Variants in BRPF1 observed in about 807,000 individuals in gnomAD.
The protein encoded by BRPF1 is peregrin.
BRPF1 carries 15 observed loss-of-function variants against 115.0 expected under a neutral mutation model. That is an observed-to-expected ratio of 0.13 (90% CI 0.09 to 0.20). The LOEUF is 0.20. BRPF1 is among the 10% of genes least tolerant of loss of function. BRPF1 has a pLI of 1.00. For synonymous variants in BRPF1, 647 were observed against 619.8 expected, an observed-to-expected ratio of 1.04 and a Z score of -0.65; for missense variants, 1,118 against 1,638.3, an observed-to-expected ratio of 0.68 and a Z score of 5.48.
chr3:9,745,257 G>A lies in BRPF1; in HGVS notation c.3068+102G>A, dbSNP rs2077103656. ...TGGAAGTGGGGTGGCAGCCATCTCA[G>A]TCTAGATTAAGATGGCTCAAACTCA... On this transcript the variant is annotated intron_variant, in intron 10 of 13. Transcript: ENST00000383829. The surrounding 1 kb of genome is among the most constrained non-coding windows in gnomAD (Gnocchi z 5.1). 18 of 1,388,644 alleles carry A rather than the reference G, an allele frequency of 1.3e-5. No individual in the cohort carries two copies. The South Asian group carries it at 1.7e-4, about 13-fold the overall frequency. 86.0% of individuals were successfully genotyped at this position (1,388,644 alleles called of 1,614,324 possible).
chr3:9,741,037 A>G, intron 4 of BRPF1, 96 bp downstream of exon 4: 1 of 1,341,048 alleles, frequency 7.5e-7, no homozygotes, highest in Non-Finnish European at 1.0e-6. Context: ...GAGGGCTTAG[A>G]CTCTTTCCTC....
At chr3:9,735,040 T>TTTTTTA (rs1291955088) in intron 2 of BRPF1, among the ~76,000 whole-genome samples, 1 of 148,208 alleles carries the variant, frequency 6.7e-6, no homozygotes, top group African/African-American at 2.5e-5. Context: ...TTTTTTTTTT[T>TTTTTTA]GAGACAGGGC....
rs1443287888 is a variant in BRPF1, at chr3:9,739,807, G to A, written c.1408G>A (p.Glu470Lys). ...CAGCGAGGGTGAGGAGGATGAAGAT[G>A]AGGAGGAGGATGAGGGTAAGGGCTG... ...SHSEGEEDED[E>K]EEDEGKGWSS... Residue 470 changes from glutamate to lysine, a missense_variant, in exon 3 of 14, where the codon GAG becomes AAG. By Grantham distance (56) the Glu-to-Lys change is moderately conservative. Around this residue, in one of 10 missense-constraint regions of BRPF1, gnomAD observed 87 missense variants for 93.4 expected, o/e 0.93. Transcript: ENST00000383829. 1 of 1,610,862 alleles carries A rather than the reference G, an allele frequency of 6.2e-7. No homozygotes were observed. The highest frequency in any genetic ancestry group is 8.5e-7 in the Non-Finnish European group (1 of 1,178,430).
In BRPF1 at chr3:9,745,749, A is replaced by G. The variant is rs757058016; in HGVS notation, c.3205+40A>G. ...CCAAGGCCAGGGATGCTGGGGACCC[A>G]GTGTCAGGGTCTCGCCAGCCCCCCA... On this transcript the variant is annotated intron_variant, in intron 11 of 13. Coordinates refer to ENST00000383829, the MANE Select transcript of BRPF1 (RefSeq NM_001003694.2). This position sits in a 1 kb window ranked among gnomAD's most constrained non-coding sequence, Gnocchi z 5.1. The G allele has an allele frequency of 1.7e-5, 27 of 1,611,240 alleles. No individual in the cohort carries two copies. Among genetic ancestry groups the G allele is most frequent in the Non-Finnish European group, 2.2e-5 (26 of 1,177,674 alleles).
Position 9,743,896 on chromosome 3 carries a change from G to A in BRPF1, c.2630G>A (p.Ser877Asn). 1.9e-6 allele frequency: 3 copies of A among 1,566,800 alleles called. No individual in the cohort carries two copies. Among genetic ancestry groups the A allele is most frequent in the African/African-American group, 1.3e-5 (1 of 74,170 alleles). Residue 877 changes from serine to asparagine, a missense_variant, in exon 8 of 14, where the codon AGC (serine) becomes AAC (asparagine). Physicochemically the swap from Ser to Asn is conservative, Grantham distance 46. This residue lies in a region of BRPF1 where 223 missense variants were observed against 240.7 expected (regional missense o/e 0.93). Transcript: ENST00000383829. The surrounding 1 kb of genome is among the most constrained non-coding windows in gnomAD (Gnocchi z 6.1). ...AAEESSSQETSKGLGPNMSST... is the reference protein window; with the variant it reads ...AAEESSSQETNKGLGPNMSST... Reference sequence around the variant, plus strand: ...GAGGAGAGCAGCAGCCAGGAGACAAGCAAAGGTCTGAATCCCATGGCAAGG... The same window carrying A: ...GAGGAGAGCAGCAGCCAGGAGACAAACAAAGGTCTGAATCCCATGGCAAGG...
intron 2 of BRPF1, among the ~76,000 whole-genome samples, chr3:9,736,449 G>A (rs919477805): frequency 5.9e-5 from 9 of 151,928 alleles, no homozygotes; most frequent in African/African-American, 2.2e-4. Flanking sequence ...CTTCCTTCTG[G>A]CTTTCCACAG....
At position 9,739,340 on chromosome 3, in the gene BRPF1, A is replaced by G; in HGVS notation, c.941A>G (p.Gln314Arg). Reference protein sequence around the residue: ...CYGVPYIPEGQWLCRRCLQSP... With the variant: ...CYGVPYIPEGRWLCRRCLQSP... ...GGTGTCCCCTATATCCCTGAGGGCC[A>G]GTGGCTGTGCCGCCGTTGCCTGCAG... The change falls in exon 3 of 14, where the codon CAG becomes CGG. Residue 314 changes from glutamine to arginine, a missense_variant. By Grantham distance (43) the Gln-to-Arg change is conservative. Transcript: ENST00000383829. 6.2e-7 allele frequency: 1 copy of G among 1,614,168 alleles called. No homozygotes were observed. The highest frequency in any genetic ancestry group is 8.5e-7 in the Non-Finnish European group (1 of 1,180,024).
Position 9,743,846 on chromosome 3 carries a change from G to A in BRPF1, c.2580G>A (p.Lys860=), listed in dbSNP as rs750222861. ...CACCCCACCCGGCAGCCTGTGACAA[G>A]GATGGGCAGACAGATAGTGCGGCAG... ...SLTPHPAACD[K]DGQTDSAAEE... The change falls in exon 8 of 14, where the codon AAG becomes AAA. Residue 860 remains lysine, a synonymous_variant. Transcript: ENST00000383829. The surrounding 1 kb of genome is among the most constrained non-coding windows in gnomAD (Gnocchi z 6.1). The A allele has an allele frequency of 6.2e-7, 1 of 1,606,050 alleles. No homozygotes were observed. Among genetic ancestry groups the A allele is most frequent in the South Asian group, 1.1e-5 (1 of 90,604 alleles).
intron 6 of BRPF1, 66 bp from the exon 7 acceptor site, chr3:9,742,878 A>C: frequency 6.5e-7 from 1 of 1,528,770 alleles, no homozygotes; most frequent in Non-Finnish European, 8.9e-7. Flanking sequence ...GGGGCTTGTT[A>C]GGAGCAGGGT....
rs772607085 is a variant in BRPF1, at chr3:9,744,317, C to T, written c.2729C>T (p.Pro910Leu). The change falls in exon 9 of 14, where the codon CCG becomes CTG. Residue 910 changes from proline (P) to leucine (L), a missense_variant. By Grantham distance (98) the Pro-to-Leu change is moderately conservative. Coordinates refer to ENST00000383829, the MANE Select transcript of BRPF1 (RefSeq NM_001003694.2). ...FSKKNPKTAG[P>L]PKRPGRPPKN... Reference sequence around the variant, plus strand: ...AAAAAGAACCCGAAGACAGCTGGACCGCCCAAGAGGCCGGGCCGGCCCCCC... The same window carrying T: ...AAAAAGAACCCGAAGACAGCTGGACTGCCCAAGAGGCCGGGCCGGCCCCCC... 2.5e-6 allele frequency: 4 copies of T among 1,613,386 alleles called. No homozygotes were observed. The highest frequency in any genetic ancestry group is 1.3e-5 in the African/African-American group (1 of 75,038).
At position 9,743,415 on chromosome 3, in the gene BRPF1, T is replaced by G. The variant is rs540764375; in HGVS notation, c.2311+162T>G. On this transcript the variant is annotated intron_variant, in intron 7 of 13. Coordinates refer to ENST00000383829, the MANE Select transcript of BRPF1 (RefSeq NM_001003694.2). This position sits in a 1 kb window ranked among gnomAD's most constrained non-coding sequence, Gnocchi z 6.1. ...TCCCCAAGAAGCCAGACTGGGTGAA[T>G]GGATAGCAGTGCCCGCCATTCCACA... 3.4e-6 allele frequency: 4 copies of G among 1,193,306 alleles called. No individual in the cohort carries two copies. In the Admixed American group the frequency reaches 7.9e-5, roughly 24 times the overall value. 73.9% of individuals were successfully genotyped at this position (1,193,306 alleles called of 1,614,324 possible).
In BRPF1 at chr3:9,743,894, A is replaced by G. The variant is rs1442561971; in HGVS notation, c.2628A>G (p.Thr876=). ...SAAEESSSQE[T]SKGLGPNMSS... Reference sequence around the variant, plus strand: ...CAGAGGAGAGCAGCAGCCAGGAGACAAGCAAAGGTCTGAATCCCATGGCAA... The same window carrying G: ...CAGAGGAGAGCAGCAGCCAGGAGACGAGCAAAGGTCTGAATCCCATGGCAA... Residue 876 remains threonine (T), a synonymous_variant, in exon 8 of 14, where the codon ACA becomes ACG. Transcript: ENST00000383829. The surrounding 1 kb of genome is among the most constrained non-coding windows in gnomAD (Gnocchi z 6.1). The G allele has an allele frequency of 2.5e-6, 4 of 1,569,260 alleles. No homozygotes were observed. Among genetic ancestry groups the G allele is most frequent in the South Asian group, 2.4e-5 (2 of 84,474 alleles).
intron 12 of BRPF1, 80 bp from the exon 13 acceptor site, chr3:9,746,220 C>T: frequency 6.8e-7 from 1 of 1,464,460 alleles, no homozygotes; most frequent in Non-Finnish European, 9.1e-7. Flanking sequence ...CCACTTCAGA[C>T]ATACTCTCTA....
In BRPF1 at chr3:9,739,871, G is replaced by A. The variant is rs755029827; in HGVS notation, c.1472G>A (p.Arg491Gln). The change falls in exon 3 of 14, where the codon CGG becomes CAG. Residue 491 changes from arginine to glutamine, a missense_variant. Arg to Gln is a conservative substitution (Grantham distance 43). Around this residue, in one of 10 missense-constraint regions of BRPF1, gnomAD observed 178 missense variants for 303.7 expected, o/e 0.59. Transcript: ENST00000383829. ...GTCAAGAAGGCCAAGGCCAAGTCCC[G>A]GATCAAAATGAAGAAGGCACGGAAG... ...EKVKKAKAKS[R>Q]IKMKKARKIL... The A allele has an allele frequency of 7.6e-6, 12 of 1,583,898 alleles. No homozygotes were observed. Among genetic ancestry groups the A allele is most frequent in the South Asian group, 4.6e-5 (4 of 87,426 alleles).
intron 2 of BRPF1, 21 bp from the exon 3 acceptor site, chr3:9,738,978 A>C: frequency 6.5e-7 from 1 of 1,527,180 alleles, no homozygotes; most frequent in Non-Finnish European, 8.8e-7. Flanking sequence ...TGTGATGCTG[A>C]GTTCCCTGTT....
chr3:9,746,280 G>T lies in BRPF1; in HGVS notation c.3325-20G>T. On this transcript the variant is annotated intron_variant, in intron 12 of 13. Transcript: ENST00000383829. ...GGAGGACATGGACTGAACCAAACTG[G>T]GCTCTTATTATATCCTCAGATCATT... The T allele has an allele frequency of 1.3e-6, 2 of 1,529,186 alleles. No homozygotes were observed. The highest frequency in any genetic ancestry group is 1.8e-6 in the Non-Finnish European group (2 of 1,133,640). The allele number at this position is 1,529,186 out of a possible 1,614,324, so 94.7% of individuals were successfully genotyped here.
intron 6 of BRPF1, 153 bp downstream of exon 6, chr3:9,742,324 C>T (rs1346711164): frequency 1.0e-6 from 1 of 985,220 alleles, no homozygotes; most frequent in African/African-American, 1.7e-5. Context: ...ATCACCTGGA[C>T]TCTGTCTTGT....
At chr3:9,746,243 G>A in intron 12 of BRPF1, 57 bp from the exon 13 acceptor site, 1 of 1,489,804 alleles carries the variant, frequency 6.7e-7, no homozygotes, top group Non-Finnish European at 9.0e-7. Flanking sequence ...TTCTTGAGGA[G>A]GAAAAGCCTT....
Position 9,739,806 on chromosome 3 carries a change from TGAG to T in BRPF1, c.1416_1418del (p.Glu472del), listed in dbSNP as rs760337282. 5.5e-5 allele frequency: 88 copies of T among 1,611,320 alleles called. 1 individual carries two copies. Among genetic ancestry groups the T allele is most frequent in the Middle Eastern group, 3.3e-4 (2 of 6,060 alleles). On this transcript the variant is annotated inframe_deletion, in exon 3 of 14. Coordinates refer to ENST00000383829, the MANE Select transcript of BRPF1 (RefSeq NM_001003694.2). Reference sequence around the variant, plus strand: ...ACAGCGAGGGTGAGGAGGATGAAGATGAGGAGGAGGATGAGGGTAAGGGCTGGA... The same window carrying T: ...ACAGCGAGGGTGAGGAGGATGAAGATGAGGAGGATGAGGGTAAGGGCTGGA...
Sources: allele counts gnomAD v4.1 joint callset (sites outside exome capture counted in the v4.1 genomes callset), GRCh38; gene constraint gnomAD v4.1.1; regional missense constraint gnomAD v4.1.1; non-coding constraint Gnocchi (gnomAD v3.1); transcripts MANE v1.5; gene names NCBI Gene and HGNC (gene_info 2026-07-23, HGNC 2026-07-21).